Variants in CD3G observed in about 807,000 individuals in gnomAD.
CD3G encodes the protein CD3 gamma subunit of T-cell receptor complex, also known as T-cell surface glycoprotein CD3 gamma chain.
In CD3G, 24 loss-of-function variants were observed where a neutral mutation model predicts 28.3. That is an observed-to-expected ratio of 0.85 (90% CI 0.61 to 1.19). The LOEUF is 1.19. Among genes scored for constraint, CD3G ranks in the 50% most tolerant of loss-of-function variants. CD3G has a pLI of 0.00. For missense variants in CD3G, 211 were observed against 210.0 expected (o/e 1.00, Z -0.03); for synonymous variants, 71 against 75.9 (o/e 0.93, Z 0.34).
chr11:118,347,228 C>T (rs977245007), intron 1 of CD3G, among the ~76,000 whole-genome samples: 2 of 152,198 alleles, frequency 1.3e-5, no homozygotes, highest in African/African-American at 4.8e-5. Context: ...ATTCTTTCTA[C>T]TCAGAATGAC....
chr11:118,344,399 C>A lies in CD3G; in HGVS notation c.-25C>A. The A allele has an allele frequency of 2.6e-6, 4 of 1,558,170 alleles. No homozygotes were observed. Among genetic ancestry groups the A allele is most frequent in the South Asian group, 1.2e-5 (1 of 84,508 alleles). On this transcript the variant is annotated 5_prime_UTR_variant, in exon 1 of 7. Transcript: ENST00000532917. ...GCTGGCTGCTAAGGGCTGCTCCACG[C>A]TTTTGCCGGAGGACAGAGACTGACA...
chr11:118,352,077 G>A lies in CD3G; in HGVS notation c.484-327G>A, dbSNP rs1007869331. On this transcript the variant is annotated intron_variant, in intron 5 of 6. Transcript: ENST00000532917. ...AAAATACAAAAAAAATTAACCAGGC[G>A]TGGAGGCGCGCGCCTGTAGTCCCAG... 1.7e-4 allele frequency among the ~76,000 whole-genome samples: 26 copies of A among 151,998 alleles called. No homozygotes were observed. In the South Asian group the frequency reaches 2.9e-3, roughly 17 times the overall value.
rs1174747237 is a variant in CD3G, at chr11:118,350,898, AAAAAAC to A, written c.439+223_439+228del. 218 of 1,235,248 alleles carry A rather than the reference AAAAAAC, an allele frequency of 1.8e-4. 3 individuals are homozygous for A. Among genetic ancestry groups the A allele is most frequent in the Middle Eastern group, 1.7e-3 (5 of 2,964 alleles). The allele number at this position is 1,235,248 out of a possible 1,614,324, so 76.5% of individuals were successfully genotyped here. ...ATACAGCTCCCTCTGTGAAAAAAAA[AAAAAAC>A]AAAAACAGGCGCAGTGGCTCACGCC... is the stretch of plus-strand genomic sequence containing the variant. On this transcript the variant is annotated intron_variant, in intron 4 of 6. Coordinates refer to ENST00000532917, the MANE Select transcript of CD3G (RefSeq NM_000073.3).
At chr11:118,347,009 T>C (rs1236651897) in intron 1 of CD3G, among the ~76,000 whole-genome samples, 1 of 152,162 alleles carries the variant, frequency 6.6e-6, no homozygotes, top group African/African-American at 2.4e-5. Flanking sequence ...ATTTGCACAT[T>C]CATTCAACAA....
rs71041832 is a variant in CD3G at position 118,354,304 on chromosome 11, C to CTTTTTTTTTTTTTTTTTTTT, written c.*1220_*1221insTTTTTTTTTTTTTTTTTTTT. On this transcript the variant is annotated 3_prime_UTR_variant, in exon 7 of 7. Coordinates refer to ENST00000532917, the MANE Select transcript of CD3G (RefSeq NM_000073.3). ...TTTTTTCTTTTCTTTTCTTTTTTTTCTTTTTTTTTTTTTTTTGAAGTGGAA... is the reference window on the plus strand; with the variant it reads ...TTTTTTCTTTTCTTTTCTTTTTTTTCTTTTTTTTTTTTTTTTTTTTTTTTTTTTTTTTTTTTGAAGTGGAA... 7 of 124,078 alleles carry CTTTTTTTTTTTTTTTTTTTT rather than the reference C, an allele frequency of 5.6e-5. No individual in the cohort carries two copies. The highest frequency in any genetic ancestry group is 6.7e-5 in the Non-Finnish European group (4 of 59,898). The allele number at this position is 124,078 out of a possible 1,614,324, so 7.7% of individuals were successfully genotyped here. A position where few individuals can be genotyped will look rare whatever the true frequency, so the allele number is the denominator to read the frequency against.
intron 1 of CD3G, among the ~76,000 whole-genome samples, chr11:118,348,719 A>G (rs1374534132): frequency 2.6e-5 from 4 of 152,210 alleles, no homozygotes; most frequent in Admixed American, 6.5e-5. Flanking sequence ...AGTCATTGCC[A>G]TGCATAAACT....
At position 118,353,309 on chromosome 11, in the gene CD3G, A is replaced by C. The variant is rs1355567984; in HGVS notation, c.*209A>C. 1 of 152,208 alleles carries C rather than the reference A, an allele frequency of 6.6e-6. No homozygotes were observed. Among genetic ancestry groups the C allele is most frequent in the Non-Finnish European group, 1.5e-5 (1 of 68,040 alleles). 9.4% of individuals were successfully genotyped at this position (152,208 alleles called of 1,614,324 possible). On this transcript the variant is annotated 3_prime_UTR_variant, in exon 7 of 7. Transcript: ENST00000532917. The stretch of plus-strand genomic sequence containing the variant: ...AAAATAAAAACAAATACTGTGTTTC[A>C]GAAGCGCCACCTATTGGGGAAAATT...
chr11:118,355,025 C>T lies in CD3G; in HGVS notation c.*1925C>T, dbSNP rs1437561703. On this transcript the variant is annotated 3_prime_UTR_variant, in exon 7 of 7. Transcript: ENST00000532917. Reference sequence around the variant, plus strand: ...CATGTCTAATAAATCTTTACCAAACCCACAGTTACAAAGATTTTCTCCTGT... The same window carrying T: ...CATGTCTAATAAATCTTTACCAAACTCACAGTTACAAAGATTTTCTCCTGT... The T allele has an allele frequency of 6.6e-6, 1 of 151,870 alleles. No homozygotes were observed. The highest frequency in any genetic ancestry group is 2.4e-5 in the African/African-American group (1 of 41,336). 9.4% of individuals were successfully genotyped at this position (151,870 alleles called of 1,614,324 possible).
At position 118,353,524 on chromosome 11, in the gene CD3G, CTTTTTTTTTTTTTTTT is replaced by C. The variant is rs35577555; in HGVS notation, c.*435_*450del. ...CCTCTTCAGAGACAAATTAGTTTCT[CTTTTTTTTTTTTTTTT>C]TTTTTTTTTTGAGACAGTCTGGCTC... On this transcript the variant is annotated 3_prime_UTR_variant, in exon 7 of 7. Coordinates refer to ENST00000532917, the MANE Select transcript of CD3G (RefSeq NM_000073.3). 1 of 80,826 alleles carries C rather than the reference CTTTTTTTTTTTTTTTT, an allele frequency of 1.2e-5. No individual in the cohort carries two copies. The highest frequency in any genetic ancestry group is 4.1e-4 in the East Asian group (1 of 2,436). The allele number at this position is 80,826 out of a possible 1,614,324, so 5.0% of individuals were successfully genotyped here.
At chr11:118,352,908 G>T (rs1948422559) in intron 6 of CD3G, among the ~76,000 whole-genome samples, 1 of 152,166 alleles carries the variant, frequency 6.6e-6, no homozygotes, top group Non-Finnish European at 1.5e-5. Flanking sequence ...AATCAAAAAT[G>T]TGTCCAGACA....
intron 3 of CD3G, 59 bp downstream of exon 3, chr11:118,350,029 G>A (rs1948392104): frequency 7.3e-7 from 1 of 1,363,732 alleles, no homozygotes; most frequent in Non-Finnish European, 1.0e-6. Context: ...CTGTTCTGGT[G>A]AGCTTTTTAT....
intron 5 of CD3G, among the ~76,000 whole-genome samples, chr11:118,351,873 T>C (rs1392872165): frequency 1.3e-5 from 2 of 151,738 alleles, no homozygotes; most frequent in Non-Finnish European, 2.9e-5. Flanking sequence ...TGAGCACAAG[T>C]TGAAGAACAC....
At chr11:118,347,528 G>A (rs548078526) in intron 1 of CD3G, among the ~76,000 whole-genome samples, 4 of 152,156 alleles carry the variant, frequency 2.6e-5, no homozygotes, top group East Asian at 3.9e-4. Flanking sequence ...AATAGTCCTC[G>A]TTAAATGTTT....
At chr11:118,352,518 G>T in intron 6 of CD3G, 31 bp downstream of exon 6, 1 of 1,451,262 alleles carries the variant, frequency 6.9e-7, no homozygotes, top group Non-Finnish European at 9.7e-7. Flanking sequence ...TCTAATAAAG[G>T]ACCCTTGCAT....
intron 1 of CD3G, among the ~76,000 whole-genome samples, chr11:118,345,725 C>CT (rs1446736638): frequency 6.6e-6 from 1 of 152,104 alleles, no homozygotes; most frequent in Non-Finnish European, 1.5e-5. Context: ...CAACGTTACC[C>CT]TCTAAGACCA....
At position 118,350,695 on chromosome 11, in the gene CD3G, C is replaced by T. The variant is rs200093444; in HGVS notation, c.439+12C>T. On this transcript the variant is annotated intron_variant, in intron 4 of 6. Transcript: ENST00000532917. ...TCGCCAGTCGAGAGGTAAAAGAATG[C>T]TCTTAGATGAGAGATGGGACCACCT... The T allele has an allele frequency of 2.1e-4, 335 of 1,613,490 alleles. 1 individual carries two copies. The highest frequency in any genetic ancestry group is 2.8e-4 in the Non-Finnish European group (328 of 1,179,886).
At chr11:118,348,301 C>A (rs183790421) in intron 1 of CD3G, among the ~76,000 whole-genome samples, 1 of 152,122 alleles carries the variant, frequency 6.6e-6, no homozygotes, top group South Asian at 2.1e-4. Flanking sequence ...CTTAAGGATT[C>A]CCATGACCCT....
At chr11:118,346,966 G>T (rs534465717) in intron 1 of CD3G, among the ~76,000 whole-genome samples, 2 of 152,202 alleles carry the variant, frequency 1.3e-5, no homozygotes, top group African/African-American at 4.8e-5. Context: ...TTAACTGTTT[G>T]TCTTGCCTTT....
chr11:118,354,438 G>C lies in CD3G; in HGVS notation c.*1338G>C, dbSNP rs940536020. 1.3e-5 allele frequency: 2 copies of C among 151,106 alleles called. No homozygotes were observed. Among genetic ancestry groups the C allele is most frequent in the Non-Finnish European group, 2.9e-5 (2 of 67,922 alleles). The allele number at this position is 151,106 out of a possible 1,614,324, so 9.4% of individuals were successfully genotyped here. On this transcript the variant is annotated 3_prime_UTR_variant, in exon 7 of 7. Transcript: ENST00000532917. ...TTGCCTTGGCCTCCCGAGTAGCTGA[G>C]ACTACAGGCACATGCCACCACGCCC...
Sources: gnomAD v4.1 joint callset for allele counts (sites outside exome capture counted in the v4.1 genomes callset) on GRCh38, gnomAD v4.1.1 for gene constraint, MANE v1.5 for transcripts, NCBI Gene and HGNC (gene_info 2026-07-23, HGNC 2026-07-21) for gene names.